The following SLC6A13 variants were observed in gnomAD, a reference collection of about 807,000 sequenced individuals.
SLC6A13 encodes sodium- and chloride-dependent GABA transporter 2.
Under a neutral mutation model 72.9 loss-of-function variants are expected in SLC6A13, and 69 were observed. The observed-to-expected ratio is 0.95, with a 90% CI of 0.78 to 1.16. The LOEUF (loss-of-function observed/expected upper bound fraction) is 1.16. Among genes scored for constraint, SLC6A13 ranks in the 50% most tolerant of loss-of-function variants. The pLI, the probability that SLC6A13 is intolerant of heterozygous loss-of-function variation, is 0.00. For synonymous variants in SLC6A13, 303 were observed against 303.0 expected (o/e 1.00, Z 0.00); for missense variants, 735 against 760.5 (o/e 0.97, Z 0.39).
intron 7 of SLC6A13, among the ~76,000 whole-genome samples, chr12:229,925 T>A (rs1591829174): frequency 6.6e-6 from 1 of 151,898 alleles, no homozygotes; most frequent in African/African-American, 2.4e-5. Context: ...GGAGACTGAA[T>A]TGGGGGAGAG....
At position 224,482 on chromosome 12, in the gene SLC6A13, C is replaced by T. The variant is rs773332396; in HGVS notation, c.1092G>A (p.Arg364=). 1.9e-6 allele frequency: 3 copies of T among 1,614,138 alleles called. No individual in the cohort carries two copies. The highest frequency in any genetic ancestry group is 2.2e-5 in the South Asian group (2 of 91,084). Reference sequence around the variant, plus strand: ...GAGAGAAGGGCAGCATCACCACAGCCCGCGGGTAAGCGATGAAAGCCAGGC... The same window carrying T: ...GAGAGAAGGGCAGCATCACCACAGCTCGCGGGTAAGCGATGAAAGCCAGGC... ...GPGLAFIAYP[R]AVVMLPFSPL... is the part of the protein sequence containing the mutation. Residue 364 remains arginine (R), a synonymous_variant, in exon 10 of 15, where the codon CGG becomes CGA. Coordinates refer to ENST00000343164, the MANE Select transcript of SLC6A13 (RefSeq NM_016615.5).
At chr12:257,922 T>C (rs1942800367) in intron 2 of SLC6A13, among the ~76,000 whole-genome samples, 1 of 152,084 alleles carries the variant, frequency 6.6e-6, no homozygotes, top group Admixed American at 6.6e-5. Flanking sequence ...GCTGCTCACC[T>C]CCTAATCTCT....
At chr12:238,522 G>C (rs80110167) in intron 4 of SLC6A13, among the ~76,000 whole-genome samples, 1 of 152,218 alleles carries the variant, frequency 6.6e-6, no homozygotes, top group Non-Finnish European at 1.5e-5. Context: ...GATCCATTAC[G>C]TAGGATTGAT....
rs759477701 is a variant in SLC6A13, at chr12:221,390, C to A, written c.1672G>T (p.Gly558Cys). The A allele has an allele frequency of 5.0e-6, 8 of 1,602,290 alleles. No individual in the cohort carries two copies. The highest frequency in any genetic ancestry group is 5.1e-6 in the Non-Finnish European group (6 of 1,174,454). ...WSLYRLGTLK[G>C]PFRERIRQLM... ...AAAGGCCCTACCTCTCTGAAGGGGC[C>A]CTTGAGGGTTCCGAGTCTGTAGAGG... The change falls in exon 14 of 15, where the codon GGC (glycine) becomes TGC (cysteine). Residue 558 changes from glycine (G) to cysteine (C), a missense_variant. Physicochemically the swap from Gly to Cys is radical, Grantham distance 159. Coordinates refer to ENST00000343164, the MANE Select transcript of SLC6A13 (RefSeq NM_016615.5).
chr12:251,485 T>C (rs75414384), intron 2 of SLC6A13, among the ~76,000 whole-genome samples: 4,217 of 152,224 alleles, frequency 0.028, 143 homozygotes, highest in African/African-American at 0.083. Context: ...AAATGAAACA[T>C]AGAGCTAAAT....
At chr12:225,244 C>G (rs61278806) in intron 9 of SLC6A13, among the ~76,000 whole-genome samples, 2,039 of 152,358 alleles carry the variant, frequency 0.013, 47 homozygotes, top group African/African-American at 0.047. Flanking sequence ...TCTGCCAGTC[C>G]CAGCTCCCAC....
chr12:233,710 G>T (rs894520296), intron 7 of SLC6A13, among the ~76,000 whole-genome samples: 1 of 152,148 alleles, frequency 6.6e-6, no homozygotes, highest in Non-Finnish European at 1.5e-5. Context: ...ACACCCTTGA[G>T]TAAGGACTGT....
chr12:221,499 G>C lies in SLC6A13; in HGVS notation c.1563C>G (p.Asn521Lys). The C allele has an allele frequency of 2.5e-6, 4 of 1,613,224 alleles. No homozygotes were observed. The South Asian group carries it at 4.4e-5, about 18-fold the overall frequency. The change falls in exon 14 of 15, where the codon AAC (asparagine) becomes AAG (lysine). Residue 521 changes from asparagine (N) to lysine (K), a missense_variant. Physicochemically the swap from Asn to Lys is moderately conservative, Grantham distance 94. Coordinates refer to ENST00000343164, the MANE Select transcript of SLC6A13 (RefSeq NM_016615.5). ...SLIKYTPLTYNKKYTYPWWGD... is the reference protein window; with the variant it reads ...SLIKYTPLTYKKKYTYPWWGD... ...CCCACCACGGGTACGTGTACTTCTT[G>C]TTGTAGGTCAGCGGAGTGTACTTTA...
intron 2 of SLC6A13, among the ~76,000 whole-genome samples, chr12:250,819 C>A: frequency 4.2e-5 from 1 of 23,598 alleles, no homozygotes; most frequent in Admixed American, 3.8e-4. Flanking sequence ...TGATAAGGAC[C>A]CAAAATAGCC....
At chr12:226,299 T>A in intron 9 of SLC6A13, 91 bp downstream of exon 9, 1 of 1,507,298 alleles carries the variant, frequency 6.6e-7, no homozygotes, top group East Asian at 2.3e-5. Context: ...TCACCCAGAG[T>A]GCAGGTGACA....
chr12:224,182 G>A (rs972388857), intron 10 of SLC6A13, 53 bp from the exon 11 acceptor site: 28 of 1,605,902 alleles, frequency 1.7e-5, no homozygotes, highest in Non-Finnish European at 2.3e-5. Context: ...GAGATGCCCT[G>A]TCCATGAGCG....
chr12:238,200 A>T (rs915201254), intron 4 of SLC6A13, 190 bp from the exon 5 acceptor site: 9 of 1,529,404 alleles, frequency 5.9e-6, no homozygotes, highest in Admixed American at 2.0e-5. Context: ...TCTCTCCCGC[A>T]CACTTGGACA....
chr12:221,862 GT>G (rs1941226147), intron 13 of SLC6A13, among the ~76,000 whole-genome samples: 1 of 152,212 alleles, frequency 6.6e-6, no homozygotes, highest in South Asian at 2.1e-4. Flanking sequence ...TGAGTTTGGG[GT>G]ATGAGTACCT....
At chr12:249,670 A>G (rs1300903595) in intron 2 of SLC6A13, among the ~76,000 whole-genome samples, 1 of 152,138 alleles carries the variant, frequency 6.6e-6, no homozygotes, top group Admixed American at 6.6e-5. Flanking sequence ...GAATCCTCCA[A>G]ATATTTAAGG....
chr12:258,092 A>G (rs1942805737), intron 2 of SLC6A13, among the ~76,000 whole-genome samples: 1 of 152,220 alleles, frequency 6.6e-6, no homozygotes, highest in South Asian at 2.1e-4. Flanking sequence ...AAGCACGTGG[A>G]GCGTTCGGCA....
At chr12:226,250 A>C in intron 9 of SLC6A13, 140 bp downstream of exon 9, 3 of 989,544 alleles carry the variant, frequency 3.0e-6, no homozygotes, top group Non-Finnish European at 4.6e-6. Context: ...TTCTCCGCCA[A>C]GTCTTCCCAG....
intron 2 of SLC6A13, among the ~76,000 whole-genome samples, chr12:256,116 A>T (rs1423437416): frequency 6.6e-6 from 1 of 152,138 alleles, no homozygotes; most frequent in Non-Finnish European, 1.5e-5. Context: ...TATAGCACTC[A>T]TTAATTCTGG....
intron 2 of SLC6A13, among the ~76,000 whole-genome samples, chr12:248,982 G>A (rs1942450741): frequency 1.3e-5 from 2 of 152,156 alleles, no homozygotes; most frequent in Non-Finnish European, 2.9e-5. Flanking sequence ...AAGACATTTG[G>A]AAAATTGCCA....
In SLC6A13 at chr12:243,155, G is replaced by A. The variant is rs533466642; in HGVS notation, c.338-401C>T. On this transcript the variant is annotated intron_variant, in intron 3 of 14. Coordinates refer to ENST00000343164, the MANE Select transcript of SLC6A13 (RefSeq NM_016615.5). ...CTCCTGAGTAGCTAGGATTACCGGT[G>A]CCCACCACCATGCCTGGCTAATTTT... 1.8e-4 allele frequency among the ~76,000 whole-genome samples: 27 copies of A among 151,992 alleles called. No homozygotes were observed. In the South Asian group the frequency reaches 5.4e-3, roughly 30 times the overall value.
Sources: gnomAD v4.1 joint callset for allele counts (sites outside exome capture counted in the v4.1 genomes callset) on GRCh38, gnomAD v4.1.1 for gene constraint, MANE v1.5 for transcripts, NCBI Gene and HGNC (gene_info 2026-07-23, HGNC 2026-07-21) for gene names.